The following SLC25A48 variants were observed in gnomAD, a reference collection of about 807,000 sequenced individuals.
SLC25A48 encodes solute carrier family 25 member 48.
In SLC25A48, 29 loss-of-function variants were observed where a neutral mutation model predicts 32.2. That is an observed-to-expected ratio of 0.90 (90% CI 0.67 to 1.23). SLC25A48 has a LOEUF of 1.23. Ranked by LOEUF, SLC25A48 falls within the 50% of genes most tolerant of loss-of-function variation. SLC25A48 has a pLI of 0.00. For synonymous variants in SLC25A48, 164 were observed against 172.3 expected (o/e 0.95, Z 0.38); for missense variants, 399 against 422.7 (o/e 0.94, Z 0.49).
At chr5:135,867,571 T>A (rs1439601527) in intron 4 of SLC25A48, among the ~76,000 whole-genome samples, 1 of 152,156 alleles carries the variant, frequency 6.6e-6, no homozygotes, top group African/African-American at 2.4e-5. Flanking sequence ...TGGCGGAGAT[T>A]TCTGCTGTTT....
Position 135,736,090 on chromosome 5 carries a change from G to A in SLC25A48, c.-520-76433G>A, listed in dbSNP as rs771357099. ...CAGCCTGGGGAGGAGGGGAGAGGTC[G>A]GATGATCTGTAGAAAAGGAAGATTG... On this transcript the variant is annotated intron_variant, in intron 3 of 10. Coordinates refer to the SLC25A48 transcript ENST00000646290. 4.6e-5 allele frequency among the ~76,000 whole-genome samples: 7 copies of A among 152,124 alleles called. No homozygotes were observed. The East Asian group carries it at 7.8e-4, about 17-fold the overall frequency.
At chr5:135,666,556 T>C (rs1479587241) in intron 3 of SLC25A48, among the ~76,000 whole-genome samples, 5 of 152,058 alleles carry the variant, frequency 3.3e-5, no homozygotes, top group Non-Finnish European at 5.9e-5. Context: ...GACCAACTTA[T>C]AGCCACGGCT....
intron 1 of SLC25A48, among the ~76,000 whole-genome samples, chr5:135,614,065 A>G (rs1752133580): frequency 6.6e-6 from 1 of 152,098 alleles, no homozygotes; most frequent in Non-Finnish European, 1.5e-5. Context: ...AATTCTTCTA[A>G]TTCATGAGCC....
chr5:135,611,336 C>G (rs551760981), intron 1 of SLC25A48, among the ~76,000 whole-genome samples: 6 of 151,146 alleles, frequency 4.0e-5, no homozygotes, highest in Non-Finnish European at 8.8e-5. Flanking sequence ...ATGGCGAAAC[C>G]TTGTTTCTAC....
chr5:135,663,367 G>T (rs1753449385), intron 3 of SLC25A48, among the ~76,000 whole-genome samples: 1 of 152,146 alleles, frequency 6.6e-6, no homozygotes, highest in Non-Finnish European at 1.5e-5. Flanking sequence ...GTGTATTGCA[G>T]GATGTTTGGT....
intron 3 of SLC25A48, among the ~76,000 whole-genome samples, chr5:135,637,213 A>G (rs1223243507): frequency 6.6e-6 from 1 of 152,222 alleles, no homozygotes; most frequent in Non-Finnish European, 1.5e-5. Context: ...GAAAATGGTG[A>G]AACAACCTAC....
intron 3 of SLC25A48, among the ~76,000 whole-genome samples, chr5:135,794,882 C>A (rs1757128404): frequency 6.6e-6 from 1 of 151,528 alleles, no homozygotes; most frequent in South Asian, 2.1e-4. Flanking sequence ...TGAACACAAC[C>A]CTTTTGATAT....
chr5:135,688,945 CAT>C (rs751258137), intron 3 of SLC25A48, among the ~76,000 whole-genome samples: 4 of 152,294 alleles, frequency 2.6e-5, no homozygotes, highest in Non-Finnish European at 5.9e-5. Flanking sequence ...CAACTCTTCA[CAT>C]ATGTTTCTGA....
At chr5:135,809,336 A>C (rs1411774436) in intron 3 of SLC25A48, among the ~76,000 whole-genome samples, 2 of 152,126 alleles carry the variant, frequency 1.3e-5, no homozygotes, top group Admixed American at 1.3e-4. Context: ...AGAGTTGAAT[A>C]ACTTTTCTGG....
intron 1 of SLC25A48, among the ~76,000 whole-genome samples, chr5:135,581,461 C>T (rs889047400): frequency 1.3e-5 from 2 of 152,196 alleles, no homozygotes; most frequent in East Asian, 1.9e-4. Flanking sequence ...ATATTTTATG[C>T]TGCAAAGGAA....
At chr5:135,759,922 C>G (rs1237200336) in intron 3 of SLC25A48, among the ~76,000 whole-genome samples, 1 of 151,504 alleles carries the variant, frequency 6.6e-6, no homozygotes, top group Non-Finnish European at 1.5e-5. Flanking sequence ...CTCCGCCTCC[C>G]AGGTTCAAGT....
chr5:135,824,169 G>C (rs1757964279), intron 4 of SLC25A48, among the ~76,000 whole-genome samples: 1 of 152,200 alleles, frequency 6.6e-6, no homozygotes, highest in African/African-American at 2.4e-5. Flanking sequence ...CTTGGCACAG[G>C]CTCTAAGGGA....
chr5:135,863,274 A>G (rs1760943037), intron 4 of SLC25A48, among the ~76,000 whole-genome samples: 1 of 152,232 alleles, frequency 6.6e-6, no homozygotes, highest in Admixed American at 6.5e-5. Context: ...GCAGGTAATC[A>G]ATCAATGCTT....
intron 3 of SLC25A48, among the ~76,000 whole-genome samples, chr5:135,788,958 G>A (rs1258819798): frequency 1.3e-5 from 2 of 151,026 alleles, no homozygotes; most frequent in African/African-American, 4.9e-5. Context: ...CTTCCCATGT[G>A]TGGAGGGTGT....
chr5:135,756,144 C>G (rs1755896528), intron 3 of SLC25A48, among the ~76,000 whole-genome samples: 2 of 151,688 alleles, frequency 1.3e-5, no homozygotes, highest in Non-Finnish European at 2.9e-5. Context: ...TTTATCGTAT[C>G]TAGTGTCAAC....
intron 3 of SLC25A48, among the ~76,000 whole-genome samples, chr5:135,805,449 C>T (rs1007964942): frequency 9.9e-5 from 15 of 151,498 alleles, no homozygotes; most frequent in South Asian, 8.3e-4. Flanking sequence ...TGGGTATACA[C>T]GCTGTGCATA....
intron 3 of SLC25A48, among the ~76,000 whole-genome samples, chr5:135,749,720 T>G (rs539947701): frequency 6.6e-6 from 1 of 152,146 alleles, no homozygotes; most frequent in African/African-American, 2.4e-5. Context: ...GCTTCCTAAG[T>G]AGCCGCGATT....
At chr5:135,636,846 T>C (rs546720486) in intron 3 of SLC25A48, among the ~76,000 whole-genome samples, 1 of 152,336 alleles carries the variant, frequency 6.6e-6, no homozygotes, top group East Asian at 1.9e-4. Flanking sequence ...GGGCTATTGA[T>C]AGCCAAACCA....
At chr5:135,847,143 CATA>C (rs1420040847) in intron 2 of SLC25A48, among the ~76,000 whole-genome samples, 1 of 152,164 alleles carries the variant, frequency 6.6e-6, no homozygotes, top group Non-Finnish European at 1.5e-5. Context: ...AGATATTTTC[CATA>C]ATAACTAAAA....
Sources: allele counts gnomAD v4.1 joint callset (sites outside exome capture counted in the v4.1 genomes callset), GRCh38; gene constraint gnomAD v4.1.1; transcripts MANE v1.5; gene names NCBI Gene and HGNC (gene_info 2026-07-23, HGNC 2026-07-21).